Variants in CADPS2 observed in about 807,000 individuals in gnomAD.
The protein encoded by CADPS2 is calcium-dependent secretion activator 2.
CADPS2 carries 93 observed loss-of-function variants against 172.5 expected under a neutral mutation model. The ratio of observed to expected loss-of-function variants is 0.54; its 90% CI spans 0.46 to 0.64. The LOEUF is 0.64. Among genes scored for constraint, CADPS2 ranks in the 30% least tolerant of loss-of-function variants. CADPS2 has a pLI of 0.00. For missense variants in CADPS2, 1,420 were observed against 1,565.9 expected (o/e 0.91, Z 1.57); for synonymous variants, 546 against 555.2 (o/e 0.98, Z 0.23).
chr7:122,331,607 C>T (rs1235883356), intron 28 of CADPS2, among the ~76,000 whole-genome samples: 1 of 152,172 alleles, frequency 6.6e-6, no homozygotes, highest in Admixed American at 6.5e-5. Context: ...CCACTGCACT[C>T]CTGCCTGGTT....
At chr7:122,460,401 A>C (rs1294370062) in intron 14 of CADPS2, among the ~76,000 whole-genome samples, 1 of 151,966 alleles carries the variant, frequency 6.6e-6, no homozygotes, top group African/African-American at 2.4e-5. Flanking sequence ...TGAGCCATAG[A>C]CCTAATTTGG....
intron 2 of CADPS2, among the ~76,000 whole-genome samples, chr7:122,664,467 T>A (rs954662442): frequency 1.3e-5 from 2 of 152,128 alleles, no homozygotes; most frequent in African/African-American, 4.8e-5. Flanking sequence ...AAGATGTTCA[T>A]GAGACAGGTA....
At chr7:122,510,775 A>C (rs926315281) in intron 9 of CADPS2, among the ~76,000 whole-genome samples, 4 of 152,188 alleles carry the variant, frequency 2.6e-5, no homozygotes, top group African/African-American at 9.6e-5. Flanking sequence ...GCCTTTAAAA[A>C]TATTAATAAA....
At chr7:122,827,767 A>G (rs1292692391) in intron 1 of CADPS2, among the ~76,000 whole-genome samples, 1 of 152,198 alleles carries the variant, frequency 6.6e-6, no homozygotes, top group Non-Finnish European at 1.5e-5. Context: ...ACATCAGACA[A>G]AAACAGTACA....
intron 8 of CADPS2, among the ~76,000 whole-genome samples, chr7:122,529,346 C>T (rs1298803017): frequency 6.6e-6 from 1 of 152,004 alleles, no homozygotes; most frequent in Non-Finnish European, 1.5e-5. Context: ...CATAAAAACA[C>T]ATTTGGAGTA....
At position 122,788,137 on chromosome 7, in the gene CADPS2, A is replaced by G. The variant is rs150778275; in HGVS notation, c.340-51069T>C. On this transcript the variant is annotated intron_variant, in intron 1 of 29. Transcript: ENST00000449022. ...AGAAACAGAGCCAGCTTCAGGGTTA[A>G]TAGGAAACAATACTTTTTTCAAGGA... 6.1e-3 allele frequency among the ~76,000 whole-genome samples: 927 copies of G among 152,340 alleles called. 8 individuals carry two copies. The highest frequency in any genetic ancestry group is 0.034 in the Middle Eastern group (10 of 294).
At chr7:122,776,109 C>T (rs993627196) in intron 1 of CADPS2, among the ~76,000 whole-genome samples, 3 of 152,086 alleles carry the variant, frequency 2.0e-5, no homozygotes, top group African/African-American at 7.2e-5. Context: ...GTGTCCCCAC[C>T]CAAATCTCAT....
intron 1 of CADPS2, among the ~76,000 whole-genome samples, chr7:122,826,427 C>A (rs1426494770): frequency 2.6e-5 from 4 of 151,950 alleles, no homozygotes; most frequent in Non-Finnish European, 5.9e-5. Context: ...CTTATCATAA[C>A]CAAAACCAAG....
At chr7:122,645,681 A>ATATATATATATATATCTC (rs796988558) in intron 3 of CADPS2, among the ~76,000 whole-genome samples, 14 of 116,832 alleles carry the variant, frequency 1.2e-4, no homozygotes, top group Admixed American at 7.4e-4. Flanking sequence ...ATATATATAT[A>ATATATATATATATATCTC]TCTTGGGATT....
At chr7:122,503,030 C>CT (rs11293004) in intron 9 of CADPS2, among the ~76,000 whole-genome samples, 1,350 of 102,730 alleles carry the variant, frequency 0.013, 18 homozygotes, top group African/African-American at 0.035. Flanking sequence ...GAGAAAAAAA[C>CT]TTTTTTTTTT....
intron 6 of CADPS2, among the ~76,000 whole-genome samples, chr7:122,593,772 T>C (rs2071291669): frequency 6.7e-6 from 1 of 150,258 alleles, no homozygotes; most frequent in Non-Finnish European, 1.5e-5. Flanking sequence ...CAGCAAAACA[T>C]GGCAAAGGAG....
chr7:122,701,525 G>A (rs1223226599), intron 2 of CADPS2: 1 of 163,132 alleles, frequency 6.1e-6, no homozygotes, highest in African/African-American at 2.4e-5. Flanking sequence ...CACCAACATG[G>A]CACATGTATA....
At chr7:122,326,262 G>A (rs535131077) in intron 28 of CADPS2, among the ~76,000 whole-genome samples, 1 of 152,132 alleles carries the variant, frequency 6.6e-6, no homozygotes, top group South Asian at 2.1e-4. Context: ...AATTATGAAT[G>A]AAAAGGATGT....
At chr7:122,651,636 G>A (rs978158340) in intron 3 of CADPS2, among the ~76,000 whole-genome samples, 3 of 152,120 alleles carry the variant, frequency 2.0e-5, no homozygotes, top group Non-Finnish European at 2.9e-5. Flanking sequence ...AAGAATTTGA[G>A]TGGGAGGAGG....
At chr7:122,361,269 T>A (rs1342252275) in intron 25 of CADPS2, among the ~76,000 whole-genome samples, 10 of 148,114 alleles carry the variant, frequency 6.8e-5, no homozygotes, top group African/African-American at 2.0e-4. Context: ...AGGCTTGCTC[T>A]GTCACCCAGG....
rs74795009 is a variant in CADPS2, at chr7:122,552,739, T to C, written c.1475+1811A>G. On this transcript the variant is annotated intron_variant, in intron 8 of 29. Transcript: ENST00000449022. Reference sequence around the variant, plus strand: ...ACCATGGCATAGTACTGGCCATGGGTAAATTAGGGTCATCTCGGCACTATG... The same window carrying C: ...ACCATGGCATAGTACTGGCCATGGGCAAATTAGGGTCATCTCGGCACTATG... 6.4e-3 allele frequency among the ~76,000 whole-genome samples: 958 copies of C among 150,598 alleles called. 7 individuals carry two copies. The highest frequency in any genetic ancestry group is 0.022 in the African/African-American group (917 of 41,062).
intron 1 of CADPS2, among the ~76,000 whole-genome samples, chr7:122,808,603 A>G (rs1799322399): frequency 1.3e-5 from 2 of 152,160 alleles, no homozygotes. Context: ...TCTTATACAT[A>G]AATTGAAGTT....
chr7:122,639,798 C>T (rs966787919), intron 3 of CADPS2, among the ~76,000 whole-genome samples: 7 of 152,174 alleles, frequency 4.6e-5, no homozygotes, highest in African/African-American at 1.7e-4. Flanking sequence ...CTTGAGCGCT[C>T]ATAAACATTG....
At position 122,471,302 on chromosome 7, in the gene CADPS2, C is replaced by T. The variant is rs1443942223; in HGVS notation, c.2186+73G>A. ...TTACAATCTGTTACTGGGTGATAAT[C>T]GCAAAGCACATTTTTCTCTCTTTTC... is the stretch of plus-strand genomic sequence containing the variant. On this transcript the variant is annotated intron_variant, in intron 14 of 29. Coordinates refer to ENST00000449022, the MANE Select transcript of CADPS2 (RefSeq NM_017954.11). The T allele has an allele frequency of 3.1e-5, 28 of 905,700 alleles. No homozygotes were observed. In the East Asian group the frequency reaches 4.3e-4, roughly 14 times the overall value. 56.1% of individuals were successfully genotyped at this position (905,700 alleles called of 1,614,324 possible).
Sources: gnomAD v4.1 joint callset for allele counts (sites outside exome capture counted in the v4.1 genomes callset) on GRCh38, gnomAD v4.1.1 for gene constraint, MANE v1.5 for transcripts, NCBI Gene and HGNC (gene_info 2026-07-23, HGNC 2026-07-21) for gene names.